The following SPATA16 variants were observed in gnomAD, a reference collection of about 807,000 sequenced individuals.
The protein encoded by SPATA16 is spermatogenesis associated 16, also known as spermatogenesis-associated protein 16.
SPATA16 carries 36 observed loss-of-function variants against 63.3 expected under a neutral mutation model. The ratio of observed to expected loss-of-function variants is 0.57; its 90% CI spans 0.44 to 0.75. The LOEUF is 0.75. SPATA16 is among the 30% of genes least tolerant of loss of function. The pLI is 0.00. For missense variants in SPATA16, 646 were observed against 679.3 expected (o/e 0.95, Z 0.54); for synonymous variants, 203 against 216.7 (o/e 0.94, Z 0.56).
chr3:173,088,498 CAT>C (rs141177006), intron 2 of SPATA16, among the ~76,000 whole-genome samples: 1 of 152,186 alleles, frequency 6.6e-6, no homozygotes, highest in Non-Finnish European at 1.5e-5. Context: ...AATTTTTACA[CAT>C]ATGTGTGTAT....
chr3:173,099,871 G>T (rs1363258424), intron 2 of SPATA16, among the ~76,000 whole-genome samples: 1 of 152,138 alleles, frequency 6.6e-6, no homozygotes, highest in Non-Finnish European at 1.5e-5. Flanking sequence ...TCTAGCTTCA[G>T]CTAAGCCTCT....
chr3:173,103,578 A>G (rs1737545730), intron 2 of SPATA16, among the ~76,000 whole-genome samples: 1 of 152,206 alleles, frequency 6.6e-6, no homozygotes. Context: ...CCGCAGCTGG[A>G]GCTGGAATGG....
At chr3:173,015,365 A>G (rs1210580833) in intron 4 of SPATA16, among the ~76,000 whole-genome samples, 11 of 152,156 alleles carry the variant, frequency 7.2e-5, no homozygotes, top group Admixed American at 7.2e-4. Context: ...CAGCCAGCAG[A>G]AAATTCTTTA....
intron 10 of SPATA16, among the ~76,000 whole-genome samples, chr3:172,905,981 C>A (rs1732225000): frequency 6.6e-6 from 1 of 152,210 alleles, no homozygotes; most frequent in South Asian, 2.1e-4. Flanking sequence ...CAAGACAATA[C>A]TGTATGTCAT....
intron 6 of SPATA16, among the ~76,000 whole-genome samples, chr3:172,929,922 G>A (rs1344734503): frequency 6.6e-6 from 1 of 152,094 alleles, no homozygotes; most frequent in African/African-American, 2.4e-5. Context: ...TATGAGGAAA[G>A]CCATTATTCA....
At position 172,919,624 on chromosome 3, in the gene SPATA16, T is replaced by A. The variant is rs202084437; in HGVS notation, c.1339-3143A>T. Among the ~76,000 whole-genome samples the A allele has an allele frequency of 7.9e-5, 12 of 152,288 alleles. No homozygotes were observed. The East Asian group carries it at 1.9e-3, about 24-fold the overall frequency. On this transcript the variant is annotated intron_variant, in intron 8 of 10. Transcript: ENST00000351008. ...ATGTTCTTTAGCAAGCTTTTTACAG[T>A]TAATTTTTGGAGTGTAATTTGTACA... is the stretch of plus-strand genomic sequence containing the variant.
chr3:172,989,968 C>G (rs1404123994), intron 4 of SPATA16, among the ~76,000 whole-genome samples: 1 of 152,132 alleles, frequency 6.6e-6, no homozygotes, highest in African/African-American at 2.4e-5. Context: ...CTCTTTAACC[C>G]TTATTACAGT....
chr3:172,939,810 T>C (rs1733103435), intron 6 of SPATA16, among the ~76,000 whole-genome samples: 1 of 152,196 alleles, frequency 6.6e-6, no homozygotes, highest in Admixed American at 6.5e-5. Flanking sequence ...TGACTCTTGC[T>C]GGGCCCTTAG....
In SPATA16 at chr3:173,028,015, C is replaced by T. The variant is rs1277121461; in HGVS notation, c.759-8440G>A. ...CCTCCCTCCCTCCCTCCCTCCCTCC[C>T]TTCCTTCTTTCCTTCCTTCCTTCCT... On this transcript the variant is annotated intron_variant, in intron 3 of 10. Coordinates refer to ENST00000351008, the MANE Select transcript of SPATA16 (RefSeq NM_031955.6). 9.0e-5 allele frequency among the ~76,000 whole-genome samples: 5 copies of T among 55,492 alleles called. 1 individual carries two copies. The highest frequency in any genetic ancestry group is 3.9e-4 in the Admixed American group (2 of 5,134). 36.4% of individuals were successfully genotyped at this position (55,492 alleles called of 152,430 possible). A position where few individuals can be genotyped will look rare whatever the true frequency, so the allele number is the denominator to read the frequency against.
intron 6 of SPATA16, among the ~76,000 whole-genome samples, chr3:172,947,383 C>T (rs1006659723): frequency 6.6e-6 from 1 of 151,644 alleles, no homozygotes; most frequent in African/African-American, 2.4e-5. Flanking sequence ...AAACAATCTA[C>T]ATAAGGCACC....
intron 6 of SPATA16, among the ~76,000 whole-genome samples, chr3:172,953,203 A>G (rs554526754): frequency 3.9e-5 from 6 of 152,168 alleles, no homozygotes; most frequent in Non-Finnish European, 7.3e-5. Context: ...TTGTATTCTC[A>G]GTACCACCTA....
intron 4 of SPATA16, among the ~76,000 whole-genome samples, chr3:172,980,090 C>T (rs950373072): frequency 2.6e-5 from 4 of 152,198 alleles, no homozygotes; most frequent in Admixed American, 1.3e-4. Context: ...CCCTACTGCT[C>T]AGCCCTCATG....
intron 2 of SPATA16, among the ~76,000 whole-genome samples, chr3:173,091,702 G>C (rs1737225939): frequency 6.6e-6 from 1 of 151,972 alleles, no homozygotes; most frequent in South Asian, 2.1e-4. Context: ...TGAACAAGAA[G>C]GTGGAAAAAT....
At chr3:173,003,041 GATT>G (rs1734861386) in intron 4 of SPATA16, among the ~76,000 whole-genome samples, 1 of 152,076 alleles carries the variant, frequency 6.6e-6, no homozygotes, top group African/African-American at 2.4e-5. Flanking sequence ...AAAGAAACCT[GATT>G]ATATTTGATA....
At chr3:172,957,786 C>T (rs1312918588) in intron 5 of SPATA16, among the ~76,000 whole-genome samples, 3 of 152,124 alleles carry the variant, frequency 2.0e-5, no homozygotes, top group Admixed American at 1.3e-4. Context: ...TACATTATTA[C>T]CCTCACAGTA....
At chr3:172,992,255 G>C (rs898444497) in intron 4 of SPATA16, among the ~76,000 whole-genome samples, 5 of 152,104 alleles carry the variant, frequency 3.3e-5, no homozygotes, top group African/African-American at 1.2e-4. Context: ...AATGTGCCCA[G>C]AGGCATTAAG....
chr3:172,966,309 TC>T (rs34199959), intron 5 of SPATA16, among the ~76,000 whole-genome samples: 3 of 152,174 alleles, frequency 2.0e-5, no homozygotes, highest in Admixed American at 2.0e-4. Context: ...CAGGCCAACC[TC>T]CACCTGATGA....
rs529310902 is a variant in SPATA16 at position 173,055,556 on chromosome 3, A to G, written c.613-6462T>C. On this transcript the variant is annotated intron_variant, in intron 2 of 10. Coordinates refer to ENST00000351008, the MANE Select transcript of SPATA16 (RefSeq NM_031955.6). ...ACATACAATATGATTACATGACACAATTATAGGAATGGAGAACAGATTATT... is the reference window on the plus strand; with the variant it reads ...ACATACAATATGATTACATGACACAGTTATAGGAATGGAGAACAGATTATT... 1.3e-4 allele frequency among the ~76,000 whole-genome samples: 20 copies of G among 152,340 alleles called. No homozygotes were observed. In the South Asian group the frequency reaches 2.9e-3, roughly 22 times the overall value.
At chr3:172,918,764 A>T (rs1732554486) in intron 8 of SPATA16, among the ~76,000 whole-genome samples, 1 of 152,154 alleles carries the variant, frequency 6.6e-6, no homozygotes, top group African/African-American at 2.4e-5. Flanking sequence ...TGCTGGAGAG[A>T]GTGTAATAAA....
Sources: gnomAD v4.1 joint callset for allele counts (sites outside exome capture counted in the v4.1 genomes callset) on GRCh38, gnomAD v4.1.1 for gene constraint, MANE v1.5 for transcripts, NCBI Gene and HGNC (gene_info 2026-07-23, HGNC 2026-07-21) for gene names.